Variants in COL1A2 observed in about 807,000 individuals in gnomAD.
COL1A2 encodes collagen type I alpha 2 chain, also known as collagen alpha-2(I) chain.
Under a neutral mutation model 174.3 loss-of-function variants are expected in COL1A2, and 49 were observed. The observed-to-expected ratio is 0.28, with a 90% CI of 0.22 to 0.36. The LOEUF is 0.36. COL1A2 is among the 10% of genes least tolerant of loss of function. The pLI is 1.00. For missense variants in COL1A2, 1,438 were observed against 1,822.7 expected (o/e 0.79, Z 3.84); for synonymous variants, 655 against 606.6 (o/e 1.08, Z -1.17).
intron 51 of COL1A2, 119 bp downstream of exon 51, chr7:94,429,549 T>G (rs1792358227): frequency 7.2e-6 from 7 of 975,392 alleles, no homozygotes; most frequent in Non-Finnish European, 1.1e-5. Context: ...ATGAGAGAAC[T>G]AACTTATTTC....
intron 11 of COL1A2, 46 bp downstream of exon 11, chr7:94,405,772 T>C (rs1344195489): frequency 4.0e-6 from 6 of 1,515,956 alleles, no homozygotes; most frequent in Non-Finnish European, 5.5e-6. Context: ...CTATTAATTT[T>C]TGGAAAAAAC....
Position 94,394,959 on chromosome 7 carries a change from C to A in COL1A2, c.-73C>A. On this transcript the variant is annotated 5_prime_UTR_variant, in exon 1 of 52. Transcript: ENST00000297268. Reference sequence around the variant, plus strand: ...ACTGGCCACGACTGCATGCCCGCGCCCGCCAGGTGATACCTCCGCCGGTGA... The same window carrying A: ...ACTGGCCACGACTGCATGCCCGCGCACGCCAGGTGATACCTCCGCCGGTGA... The A allele has an allele frequency of 7.3e-7, 1 of 1,375,602 alleles. No individual in the cohort carries two copies. The highest frequency in any genetic ancestry group is 1.0e-6 in the Non-Finnish European group (1 of 964,728). 85.2% of individuals were successfully genotyped at this position (1,375,602 alleles called of 1,614,324 possible).
In COL1A2 at chr7:94,429,208, A is replaced by G. The variant is rs199838292; in HGVS notation, c.3732A>G (p.Gly1244=). The G allele has an allele frequency of 9.3e-6, 15 of 1,611,700 alleles. No individual in the cohort carries two copies. Among genetic ancestry groups the G allele is most frequent in the South Asian group, 7.7e-5 (7 of 91,006 alleles). Residue 1244 remains glycine (G), a synonymous_variant, in exon 51 of 52, where the codon GGA becomes GGG. Transcript: ENST00000297268. ...AGSQFEYNVE[G]VTSKEMATQL... is the part of the protein sequence containing the mutation. ...TGTAGTTTGAATATAATGTAGAAGGAGTGACTTCCAAGGAAATGGCTACCC... is the reference window on the plus strand; with the variant it reads ...TGTAGTTTGAATATAATGTAGAAGGGGTGACTTCCAAGGAAATGGCTACCC...
At position 94,414,208 on chromosome 7, in the gene COL1A2, C is replaced by A. The variant is rs1791991279; in HGVS notation, c.1666-14C>A. ...AGCCATGGGATTGAGATTTGTATTT[C>A]TTTTCATTTTTAGGGTCTGCCTGGC... On this transcript the variant is annotated splice_polypyrimidine_tract_variant and intron_variant, in intron 28 of 51. Transcript: ENST00000297268. The A allele has an allele frequency of 1.2e-6, 2 of 1,613,738 alleles. No homozygotes were observed. The highest frequency in any genetic ancestry group is 4.5e-5 in the East Asian group (2 of 44,840).
Position 94,420,311 on chromosome 7 carries a change from G to A in COL1A2, c.2133+25G>A, listed in dbSNP as rs759121206. 21 of 1,613,948 alleles carry A rather than the reference G, an allele frequency of 1.3e-5. No individual in the cohort carries two copies. In the East Asian group the frequency reaches 4.5e-4, roughly 34 times the overall value. ...TGTAAGTAAGAACCTGGGTCATTTT[G>A]TATACTCACACCTCACAATGTTTAG... is the stretch of plus-strand genomic sequence containing the variant. On this transcript the variant is annotated intron_variant, in intron 35 of 51. Coordinates refer to ENST00000297268, the MANE Select transcript of COL1A2 (RefSeq NM_000089.4).
intron 1 of COL1A2, 118 bp downstream of exon 1, chr7:94,395,219 T>G: frequency 1.2e-6 from 1 of 846,508 alleles, no homozygotes; most frequent in Non-Finnish European, 2.1e-6. Context: ...GGGCAGACTC[T>G]CAGGCATGTG....
intron 38 of COL1A2, 34 bp from the exon 39 acceptor site, chr7:94,421,865 T>C: frequency 6.2e-7 from 1 of 1,610,360 alleles, no homozygotes; most frequent in Non-Finnish European, 8.5e-7. Flanking sequence ...GGAGTTGATG[T>C]TGACTGTGGA....
Position 94,430,035 on chromosome 7 carries a change from T to C in COL1A2, c.3955-212T>C. The C allele has an allele frequency of 6.8e-6, 4 of 586,508 alleles. No individual in the cohort carries two copies. The South Asian group carries it at 8.1e-5, about 12-fold the overall frequency. 36.3% of individuals were successfully genotyped at this position (586,508 alleles called of 1,614,324 possible). On this transcript the variant is annotated intron_variant, in intron 51 of 51. Coordinates refer to ENST00000297268, the MANE Select transcript of COL1A2 (RefSeq NM_000089.4). ...AATGTTGTTGGTTTTTTTGGTTTGT[T>C]TGTTTGTTTGTTTTTTGTTAGACTG...
chr7:94,409,527 A>C, intron 17 of COL1A2, 37 bp from the exon 18 acceptor site: 1 of 1,613,974 alleles, frequency 6.2e-7, no homozygotes, highest in African/African-American at 1.3e-5. Context: ...AAATATTCCA[A>C]TTAACTGATA....
At chr7:94,395,194 C>T (rs760052717) in intron 1 of COL1A2, 93 bp downstream of exon 1, 6 of 1,017,408 alleles carry the variant, frequency 5.9e-6, no homozygotes, top group Admixed American at 1.7e-5. Context: ...AACCTGAATT[C>T]CAGGTACACT....
In COL1A2 at chr7:94,421,933, C is replaced by G. The variant is rs865812254; in HGVS notation, c.2384C>G (p.Thr795Ser). 1.2e-6 allele frequency: 2 copies of G among 1,614,158 alleles called. No individual in the cohort carries two copies. Among genetic ancestry groups the G allele is most frequent in the Non-Finnish European group, 1.7e-6 (2 of 1,180,022 alleles). The change falls in exon 39 of 52, where the codon ACT becomes AGT. Residue 795 changes from threonine (T) to serine (S), a missense_variant. Thr to Ser is a moderately conservative substitution (Grantham distance 58). Transcript: ENST00000297268. The stretch of plus-strand genomic sequence containing the variant: ...GGTTTCCCTGGTGCTGCTGGACGGA[C>G]TGGTCCCCCAGGACCCTCTGTAAGT... The part of the protein sequence containing the change: ...MTGFPGAAGR[T>S]GPPGPSGISG...
chr7:94,414,172 C>G lies in COL1A2; in HGVS notation c.1666-50C>G, dbSNP rs1358272178. On this transcript the variant is annotated intron_variant, in intron 28 of 51. Coordinates refer to ENST00000297268, the MANE Select transcript of COL1A2 (RefSeq NM_000089.4). ...CCCCCAAACTCAATTATTAGCAAAT[C>G]TCCTGAACGTAGCCATGGGATTGAG... 8 of 1,594,734 alleles carry G rather than the reference C, an allele frequency of 5.0e-6. No homozygotes were observed. The Admixed American group carries it at 1.3e-4, about 27-fold the overall frequency.
rs1428964638 is a variant in COL1A2, at chr7:94,409,779, C to T, written c.993C>T (p.Gly331=). Residue 331 remains glycine, a synonymous_variant, in exon 19 of 52, where the codon GGC becomes GGT. Coordinates refer to ENST00000297268, the MANE Select transcript of COL1A2 (RefSeq NM_000089.4). Reference sequence around the variant, plus strand: ...TCCCTGGACCCCGCGGTATTCCTGGCCCTGTTGGTGCTGCCGGTGCTACTG... The same window carrying T: ...TCCCTGGACCCCGCGGTATTCCTGGTCCTGTTGGTGCTGCCGGTGCTACTG... The part of the protein sequence containing the change: ...PGLPGPRGIP[G]PVGAAGATGA... 4.3e-6 allele frequency: 7 copies of T among 1,613,998 alleles called. No individual in the cohort carries two copies. The highest frequency in any genetic ancestry group is 1.3e-5 in the African/African-American group (1 of 74,894).
chr7:94,404,952 A>G (rs918902675), intron 9 of COL1A2, 60 bp downstream of exon 9: 84 of 1,580,122 alleles, frequency 5.3e-5, no homozygotes, highest in Non-Finnish European at 6.7e-5. Flanking sequence ...CCTCAACAAG[A>G]TTTTCTAGAT....
Position 94,422,058 on chromosome 7 carries a change from C to T in COL1A2, c.2403+106C>T, listed in dbSNP as rs114685331. 531 of 876,252 alleles carry T rather than the reference C, an allele frequency of 6.1e-4. 1 individual carries two copies. In the African/African-American group the frequency reaches 7.2e-3, roughly 12 times the overall value. 54.3% of individuals were successfully genotyped at this position (876,252 alleles called of 1,614,324 possible). ...TTCATGAAAACACATCACTAATATT[C>T]GCTATTACTCTCCTGGTCTGAAGTC... is the stretch of plus-strand genomic sequence containing the variant. On this transcript the variant is annotated intron_variant, in intron 39 of 51. Transcript: ENST00000297268.
intron 41 of COL1A2, chr7:94,424,905 A>G (rs1792241864): frequency 1.7e-6 from 1 of 593,074 alleles, no homozygotes; most frequent in South Asian, 1.9e-5. Flanking sequence ...TTACAGAGCA[A>G]CATCCCGTGA....
At position 94,429,462 on chromosome 7, in the gene COL1A2, G is replaced by T. The variant is rs200519176; in HGVS notation, c.3954+32G>T. 135 of 1,612,024 alleles carry T rather than the reference G, an allele frequency of 8.4e-5. No homozygotes were observed. The African/African-American group carries it at 1.7e-3, about 20-fold the overall frequency. ...AATAGTGAAATATGGGAATAGCTTT[G>T]GGAAGTGGGATGGAGGGGGTTCTAA... On this transcript the variant is annotated intron_variant, in intron 51 of 51. Transcript: ENST00000297268.
chr7:94,427,809 T>A lies in COL1A2; in HGVS notation c.3450T>A (p.Leu1150=), dbSNP rs773062699. The A allele has an allele frequency of 2.5e-6, 4 of 1,613,976 alleles. No homozygotes were observed. The highest frequency in any genetic ancestry group is 2.7e-5 in the African/African-American group (2 of 74,902). The change falls in exon 49 of 52, where the codon CTT becomes CTA. Residue 1150 remains leucine (L), a synonymous_variant. Transcript: ENST00000297268. Reference sequence around the variant, plus strand: ...TCAACAACCAGATTGAGACCCTTCTTACTCCTGAAGGCTCTAGAAAGAACC... The same window carrying A: ...TCAACAACCAGATTGAGACCCTTCTAACTCCTGAAGGCTCTAGAAAGAACC... ...KSLNNQIETL[L]TPEGSRKNPA... is the part of the protein sequence containing the mutation.
rs142352627 is a variant in COL1A2, at chr7:94,425,818, C to G, written c.2904C>G (p.Pro968=). ...CAGGTGCACCTGGTCCTCATGGCCC[C>G]GTGGGTCCTGCTGGCAAACATGGAA... ...GAAGAPGPHG[P]VGPAGKHGNR... The change falls in exon 44 of 52, where the codon CCC becomes CCG. Residue 968 remains proline, a synonymous_variant. Transcript: ENST00000297268. 4.3e-6 allele frequency: 7 copies of G among 1,612,280 alleles called. No homozygotes were observed. The South Asian group carries it at 6.6e-5, about 15-fold the overall frequency.
Sources: gnomAD v4.1 joint callset for allele counts on GRCh38, gnomAD v4.1.1 for gene constraint, MANE v1.5 for transcripts, NCBI Gene and HGNC (gene_info 2026-07-23, HGNC 2026-07-21) for gene names.